Variants in TM4SF18 observed in about 807,000 individuals in gnomAD.
TM4SF18 encodes transmembrane 4 L6 family member 18.
In TM4SF18, 22 loss-of-function variants were observed where a neutral mutation model predicts 23.8. The observed-to-expected ratio is 0.92, with a 90% confidence interval of 0.66 to 1.32. The LOEUF is 1.32. Among genes scored for constraint, TM4SF18 ranks in the 40% most tolerant of loss-of-function variants. The probability of loss-of-function intolerance (pLI) is 0.00; values close to 1 mark genes in which losing one functional copy is unlikely to be tolerated. For synonymous variants in TM4SF18, 87 were observed against 87.9 expected (o/e 0.99, Z 0.06); for missense variants, 255 against 240.3 (o/e 1.06, Z -0.41).
chr3:149,329,871 C>G (rs146764213), intron 3 of TM4SF18: 2,995 of 152,184 alleles, frequency 0.02, 110 homozygotes, highest in African/African-American at 0.067. Flanking sequence ...AAAATACAAA[C>G]TAATCTATAA....
intron 3 of TM4SF18, among the ~76,000 whole-genome samples, chr3:149,329,001 T>C (rs1356467931): frequency 6.6e-6 from 1 of 152,140 alleles, no homozygotes; most frequent in African/African-American, 2.4e-5. Flanking sequence ...GAATTTTTAT[T>C]TTACACTTAA....
intron 3 of TM4SF18, among the ~76,000 whole-genome samples, chr3:149,326,784 C>T (rs902956989): frequency 2.6e-5 from 4 of 152,178 alleles, no homozygotes; most frequent in African/African-American, 9.7e-5. Context: ...CACAGATGGT[C>T]CAAATTCGGC....
At chr3:149,329,177 C>CACA (rs1353632493) in intron 3 of TM4SF18, among the ~76,000 whole-genome samples, 1 of 151,738 alleles carries the variant, frequency 6.6e-6, no homozygotes, top group Non-Finnish European at 1.5e-5. Flanking sequence ...CACACACACA[C>CACA]ACACACACAC....
chr3:149,324,969 G>A lies in TM4SF18; in HGVS notation c.321C>T (p.Cys107=). 1 of 1,614,130 alleles carries A rather than the reference G, an allele frequency of 6.2e-7. No homozygotes were observed. Residue 107 remains cysteine, a synonymous_variant, in exon 4 of 6, where the codon TGC becomes TGT. Transcript: ENST00000296059. ...CAAGACCCAAGGCAGAGATGACCAG[G>A]CAGTATCCAGAAAAAGCAATTCCGA... is the stretch of plus-strand genomic sequence containing the variant. ...SSLGIAFSGY[C]LVISALGLVQ...
intron 3 of TM4SF18, among the ~76,000 whole-genome samples, chr3:149,329,528 C>T (rs1381192239): frequency 6.6e-6 from 1 of 152,114 alleles, no homozygotes; most frequent in Non-Finnish European, 1.5e-5. Context: ...ATCACTTGTT[C>T]TCTTTGAGCC....
chr3:149,324,937 C>T lies in TM4SF18; in HGVS notation c.353G>A (p.Gly118Glu). 1 of 1,614,112 alleles carries T rather than the reference C, an allele frequency of 6.2e-7. No individual in the cohort carries two copies. The highest frequency in any genetic ancestry group is 8.5e-7 in the Non-Finnish European group (1 of 1,180,022). ...LVISALGLVQ[G>E]PYCRTLDGWE... is the part of the protein sequence containing the mutation. Reference sequence around the variant, plus strand: ...GCCATCAAGGGTGCGGCAATATGGCCCTTGGACAAGACCCAAGGCAGAGAT... The same window carrying T: ...GCCATCAAGGGTGCGGCAATATGGCTCTTGGACAAGACCCAAGGCAGAGAT... The change falls in exon 4 of 6, where the codon GGG becomes GAG. Residue 118 changes from glycine (G) to glutamate (E), a missense_variant. By Grantham distance (98) the Gly-to-Glu change is moderately conservative. Coordinates refer to ENST00000296059, the MANE Select transcript of TM4SF18 (RefSeq NM_138786.4).
intron 5 of TM4SF18, 106 bp downstream of exon 5, chr3:149,322,150 T>C (rs936720175): frequency 2.0e-6 from 2 of 981,544 alleles, no homozygotes; most frequent in Non-Finnish European, 3.0e-6. Flanking sequence ...GCAATAGAAA[T>C]GGGGGGAAAG....
intron 3 of TM4SF18, among the ~76,000 whole-genome samples, chr3:149,327,605 TA>T (rs1730982840): frequency 6.6e-6 from 1 of 152,116 alleles, no homozygotes; most frequent in Admixed American, 6.5e-5. Flanking sequence ...AGCAGAATAG[TA>T]ACATGCAGTA....
Position 149,318,592 on chromosome 3 carries a change from G to T in TM4SF18, c.*2886C>A, listed in dbSNP as rs1991609. 5 of 152,158 alleles carry T rather than the reference G, an allele frequency of 3.3e-5. No individual in the cohort carries two copies. Among genetic ancestry groups the T allele is most frequent in the African/African-American group, 1.2e-4 (5 of 41,426 alleles). The allele number at this position is 152,158 out of a possible 1,614,324, so 9.4% of individuals were successfully genotyped here. A position where few individuals can be genotyped will look rare whatever the true frequency, so the allele number is the denominator to read the frequency against. ...AAAATACTGAACAATGTAAAGAAAA[G>T]AGATAGAACTTATAGTCCTATCATT... On this transcript the variant is annotated 3_prime_UTR_variant, in exon 6 of 6. Transcript: ENST00000296059.
At position 149,323,175 on chromosome 3, in the gene TM4SF18, G is replaced by A. The variant is rs374584033; in HGVS notation, c.411-739C>T. Among the ~76,000 whole-genome samples, 184 of 152,236 alleles carry A rather than the reference G, an allele frequency of 1.2e-3. 1 individual carries two copies. The highest frequency in any genetic ancestry group is 6.8e-3 in the Middle Eastern group (2 of 294). On this transcript the variant is annotated intron_variant, in intron 4 of 5. Transcript: ENST00000296059. Reference sequence around the variant, plus strand: ...ACCCTCCCAAAGTGCTGGGATTACAGGCATGAGCCACCGCGCCTGGCCCTC... The same window carrying A: ...ACCCTCCCAAAGTGCTGGGATTACAAGCATGAGCCACCGCGCCTGGCCCTC...
rs1051556382 is a variant in TM4SF18 at position 149,321,370 on chromosome 3, C to T, written c.*108G>A. 3.7e-6 allele frequency: 3 copies of T among 812,800 alleles called. No individual in the cohort carries two copies. The highest frequency in any genetic ancestry group is 3.0e-5 in the Admixed American group (1 of 33,682). 50.3% of individuals were successfully genotyped at this position (812,800 alleles called of 1,614,324 possible). A position where few individuals can be genotyped will look rare whatever the true frequency, so the allele number is the denominator to read the frequency against. ...CTGCAAATTTTTTACAAATAAACACCAAATGCAGAAAGCACCATCATTTCA... is the reference window on the plus strand; with the variant it reads ...CTGCAAATTTTTTACAAATAAACACTAAATGCAGAAAGCACCATCATTTCA... On this transcript the variant is annotated 3_prime_UTR_variant, in exon 6 of 6. Transcript: ENST00000296059.
At chr3:149,330,584 T>C (rs1029717090) in intron 2 of TM4SF18, among the ~76,000 whole-genome samples, 165 bp from the exon 3 acceptor site, 1 of 152,194 alleles carries the variant, frequency 6.6e-6, no homozygotes, top group Non-Finnish European at 1.5e-5. Flanking sequence ...ACACCTTCTG[T>C]ATAAAATGGT....
chr3:149,332,338 T>C (rs1392031261), intron 2 of TM4SF18, among the ~76,000 whole-genome samples: 1 of 152,204 alleles, frequency 6.6e-6, no homozygotes, highest in Non-Finnish European at 1.5e-5. Flanking sequence ...TTCTACATTA[T>C]TGGTGGTCTG....
chr3:149,322,462 A>G (rs367608451), intron 4 of TM4SF18, 26 bp from the exon 5 acceptor site: 194 of 1,599,028 alleles, frequency 1.2e-4, no homozygotes, highest in Middle Eastern at 3.3e-4. Flanking sequence ...GGCCAAATCT[A>G]CATACTGGGT....
rs1205787018 is a variant in TM4SF18 at position 149,319,117 on chromosome 3, C to T, written c.*2361G>A. 3 of 152,202 alleles carry T rather than the reference C, an allele frequency of 2.0e-5. No homozygotes were observed. The highest frequency in any genetic ancestry group is 4.4e-5 in the Non-Finnish European group (3 of 68,032). 9.4% of individuals were successfully genotyped at this position (152,202 alleles called of 1,614,324 possible). A position where few individuals can be genotyped will look rare whatever the true frequency, so the allele number is the denominator to read the frequency against. ...CCAATGCTGTGGTGGAGTCATTCAG[C>T]AAACATCTATTAACAGTCCATTCAA... On this transcript the variant is annotated 3_prime_UTR_variant, in exon 6 of 6. Transcript: ENST00000296059.
At chr3:149,327,612 C>T (rs1730982976) in intron 3 of TM4SF18, among the ~76,000 whole-genome samples, 1 of 152,106 alleles carries the variant, frequency 6.6e-6, no homozygotes, top group South Asian at 2.1e-4. Flanking sequence ...TAGTAACATG[C>T]AGTAACCAAT....
Position 149,324,983 on chromosome 3 carries a change from A to G in TM4SF18, c.307T>C (p.Phe103Leu), listed in dbSNP as rs1171754927. Residue 103 changes from phenylalanine to leucine, a missense_variant, in exon 4 of 6, where the codon TTT becomes CTT. Physicochemically the swap from Phe to Leu is conservative, Grantham distance 22. Coordinates refer to ENST00000296059, the MANE Select transcript of TM4SF18 (RefSeq NM_138786.4). The stretch of plus-strand genomic sequence containing the variant: ...GAGATGACCAGGCAGTATCCAGAAA[A>G]AGCAATTCCGAGGGAAGAAAAGATA... ...SIIFSSLGIA[F>L]SGYCLVISAL... 1.7e-5 allele frequency: 28 copies of G among 1,614,154 alleles called. No homozygotes were observed. The highest frequency in any genetic ancestry group is 2.4e-5 in the Non-Finnish European group (28 of 1,180,004).
Position 149,324,999 on chromosome 3 carries a change from A to C in TM4SF18, c.291T>G (p.Ser97=). The change falls in exon 4 of 6, where the codon TCT becomes TCG. Residue 97 remains serine (S), a synonymous_variant. Transcript: ENST00000296059. ...KYVTLLSIIF[S]SLGIAFSGYC... Reference sequence around the variant, plus strand: ...ATCCAGAAAAAGCAATTCCGAGGGAAGAAAAGATAATTGACAGCAGTGTCT... The same window carrying C: ...ATCCAGAAAAAGCAATTCCGAGGGACGAAAAGATAATTGACAGCAGTGTCT... The C allele has an allele frequency of 6.2e-7, 1 of 1,614,066 alleles. No homozygotes were observed. The highest frequency in any genetic ancestry group is 8.5e-7 in the Non-Finnish European group (1 of 1,179,944).
chr3:149,322,370 GAT>G lies in TM4SF18; in HGVS notation c.475_476del (p.Ile159HisfsTer59). ...LEPAHVVEWN[I>X]ILFSILITLS... is the part of the protein sequence containing the mutation. The stretch of plus-strand genomic sequence containing the variant: ...GGGTTATGAGAATGGAAAATAAAAT[GAT>G]GTTCCACTCCACAACATGTGCAGGT... On this transcript the variant is annotated frameshift_variant, in exon 5 of 6. Coordinates refer to ENST00000296059, the MANE Select transcript of TM4SF18 (RefSeq NM_138786.4). LOFTEE classifies it high-confidence loss of function. 3.1e-6 allele frequency: 5 copies of G among 1,613,912 alleles called. No homozygotes were observed. The highest frequency in any genetic ancestry group is 4.2e-6 in the Non-Finnish European group (5 of 1,179,900).
Sources: allele counts gnomAD v4.1 joint callset (sites outside exome capture counted in the v4.1 genomes callset), GRCh38; gene constraint gnomAD v4.1.1; transcripts MANE v1.5; gene names NCBI Gene and HGNC (gene_info 2026-07-23, HGNC 2026-07-21).